The following ZNF407 variants were observed in gnomAD, a reference collection of about 807,000 sequenced individuals.
The protein encoded by ZNF407 is zinc finger protein 407.
A neutral mutation model predicts 131.2 loss-of-function variants in ZNF407; 17 were observed. The ratio of observed to expected loss-of-function variants is 0.13; its 90% confidence interval spans 0.09 to 0.19. The LOEUF is 0.19. ZNF407 is among the 10% of genes least tolerant of loss of function. ZNF407 has a pLI of 1.00. For synonymous variants in ZNF407, 1,156 were observed against 1,062.0 expected (o/e 1.09, Z -1.72); for missense variants, 2,681 against 2,830.6 (o/e 0.95, Z 1.20).
chr18:74,875,731 G>A (rs1386549243), intron 4 of ZNF407, among the ~76,000 whole-genome samples: 7 of 152,086 alleles, frequency 4.6e-5, no homozygotes, highest in African/African-American at 1.7e-4. Flanking sequence ...ATGATCCAAT[G>A]ATATAGTAAT....
At chr18:74,988,221 A>G (rs4891215) in intron 8 of ZNF407, among the ~76,000 whole-genome samples, 25,598 of 152,158 alleles carry the variant, frequency 0.17, 2,364 homozygotes, top group Admixed American at 0.28. Context: ...AAAAAAATGA[A>G]CCTTAACCCT....
At chr18:74,680,570 C>G (rs1347076536) in intron 3 of ZNF407, among the ~76,000 whole-genome samples, 3 of 152,086 alleles carry the variant, frequency 2.0e-5, no homozygotes, top group African/African-American at 7.2e-5. Context: ...CTTTGACCAT[C>G]AAATACAACT....
chr18:74,942,683 G>C (rs1364186376), intron 8 of ZNF407, among the ~76,000 whole-genome samples: 1 of 152,126 alleles, frequency 6.6e-6, no homozygotes, highest in Non-Finnish European at 1.5e-5. Context: ...CCCTGAGTCT[G>C]TCTGCCTTGG....
intron 3 of ZNF407, among the ~76,000 whole-genome samples, chr18:74,751,015 C>A (rs577799205): frequency 2.0e-5 from 3 of 152,054 alleles, no homozygotes; most frequent in Non-Finnish European, 4.4e-5. Flanking sequence ...ATCCCTTGCC[C>A]GTTTTTACTT....
intron 1 of ZNF407, among the ~76,000 whole-genome samples, chr18:74,623,238 TAGTG>T (rs375389899): frequency 1.3e-4 from 20 of 149,902 alleles, no homozygotes; most frequent in African/African-American, 2.2e-4. Flanking sequence ...GTGCGGGTGT[TAGTG>T]TGTGTGCATG....
At chr18:74,641,596 G>T (rs535850394) in intron 3 of ZNF407, among the ~76,000 whole-genome samples, 33 of 152,160 alleles carry the variant, frequency 2.2e-4, no homozygotes, top group African/African-American at 7.5e-4. Flanking sequence ...ATTATTACAG[G>T]GATGATGCTG....
chr18:74,940,602 A>G (rs938939230), intron 8 of ZNF407, among the ~76,000 whole-genome samples: 1 of 152,216 alleles, frequency 6.6e-6, no homozygotes, highest in Non-Finnish European at 1.5e-5. Context: ...CAGAGAAGCG[A>G]CATGGTAAGA....
chr18:74,933,816 T>C (rs1411338001), intron 8 of ZNF407, among the ~76,000 whole-genome samples: 1 of 152,232 alleles, frequency 6.6e-6, no homozygotes, highest in African/African-American at 2.4e-5. Flanking sequence ...TAGTCAGTGT[T>C]TGAAATATAT....
chr18:74,599,128 A>G (rs1982459094), intron 1 of ZNF407, among the ~76,000 whole-genome samples: 1 of 152,202 alleles, frequency 6.6e-6, no homozygotes, highest in Non-Finnish European at 1.5e-5. Flanking sequence ...GTCATTTGGC[A>G]TACTCACTGT....
At chr18:74,935,301 C>T (rs144982691) in intron 8 of ZNF407, among the ~76,000 whole-genome samples, 127 of 152,252 alleles carry the variant, frequency 8.3e-4, no homozygotes, top group African/African-American at 2.9e-3. Flanking sequence ...ATCTCAGTCC[C>T]ATAGTTTGAC....
intron 8 of ZNF407, among the ~76,000 whole-genome samples, chr18:74,973,508 G>A (rs572928526): frequency 1.3e-5 from 2 of 152,240 alleles, no homozygotes; most frequent in African/African-American, 4.8e-5. Context: ...TGTTGGAGGC[G>A]ATTACAACAA....
chr18:74,786,436 T>C (rs1969713139), intron 4 of ZNF407, among the ~76,000 whole-genome samples: 1 of 152,116 alleles, frequency 6.6e-6, no homozygotes, highest in Non-Finnish European at 1.5e-5. Context: ...CCCTTATTTC[T>C]TATTTTTTTT....
At chr18:74,911,089 T>C (rs778108672) in intron 7 of ZNF407, among the ~76,000 whole-genome samples, 1 of 152,252 alleles carries the variant, frequency 6.6e-6, no homozygotes, top group East Asian at 1.9e-4. Context: ...TGTGTATATG[T>C]ACACATACCT....
Position 74,634,473 on chromosome 18 carries a change from A to G in ZNF407, c.3454A>G (p.Thr1152Ala), listed in dbSNP as rs780219654. ...LCAADSVEVE[T>A]EEESNFNEDH... ...CGCTGCTGACTCTGTAGAAGTTGAGACTGAAGAAGAATCTAATTTCAATGA... is the reference window on the plus strand; with the variant it reads ...CGCTGCTGACTCTGTAGAAGTTGAGGCTGAAGAAGAATCTAATTTCAATGA... The change falls in exon 2 of 9, where the codon ACT becomes GCT. Residue 1152 changes from threonine (T) to alanine (A), a missense_variant. Around this residue, in one of 6 missense-constraint regions of ZNF407, gnomAD observed 1,789 missense variants for 1,748.7 expected, o/e 1.02. Coordinates refer to ENST00000299687, the MANE Select transcript of ZNF407 (RefSeq NM_017757.3). 1.9e-6 allele frequency: 3 copies of G among 1,613,776 alleles called. No homozygotes were observed. Among genetic ancestry groups the G allele is most frequent in the South Asian group, 1.1e-5 (1 of 91,080 alleles).
chr18:74,767,800 C>G (rs1969273407), intron 3 of ZNF407, among the ~76,000 whole-genome samples: 1 of 148,874 alleles, frequency 6.7e-6, no homozygotes, highest in East Asian at 2.0e-4. Flanking sequence ...ACTAGAGGCG[C>G]CTGCCACCAC....
chr18:74,802,362 T>G (rs1352363265), intron 4 of ZNF407, among the ~76,000 whole-genome samples: 1 of 152,170 alleles, frequency 6.6e-6, no homozygotes, highest in Non-Finnish European at 1.5e-5. Flanking sequence ...ACATATACAT[T>G]TTTTCAAGTT....
intron 1 of ZNF407, among the ~76,000 whole-genome samples, chr18:74,621,099 A>G (rs1379569181): frequency 2.3e-5 from 2 of 86,000 alleles, no homozygotes; most frequent in East Asian, 1.2e-3. Flanking sequence ...GCTCTACTGT[A>G]TCTCTTTATT....
intron 8 of ZNF407, among the ~76,000 whole-genome samples, chr18:74,978,394 T>C (rs1972551871): frequency 1.3e-5 from 2 of 151,984 alleles, no homozygotes; most frequent in African/African-American, 4.8e-5. Context: ...TAATTAGATA[T>C]TGATTTTGGA....
chr18:74,992,365 A>G (rs1972728714), intron 8 of ZNF407, among the ~76,000 whole-genome samples: 1 of 152,168 alleles, frequency 6.6e-6, no homozygotes, highest in Admixed American at 6.5e-5. Context: ...GTCGATTGGA[A>G]GGTCTGGGTA....
Sources: allele counts gnomAD v4.1 joint callset (sites outside exome capture counted in the v4.1 genomes callset), GRCh38; gene constraint gnomAD v4.1.1; regional missense constraint gnomAD v4.1.1; transcripts MANE v1.5; gene names NCBI Gene and HGNC (gene_info 2026-07-23, HGNC 2026-07-21).